BAZ2B: variants seen among roughly 807,000 people sequenced by gnomAD.
BAZ2B encodes the protein bromodomain adjacent to zinc finger domain 2B, also known as bromodomain adjacent to zinc finger domain protein 2B.
In BAZ2B, 91 loss-of-function variants were observed where a neutral mutation model predicts 246.0. The ratio of observed to expected loss-of-function variants is 0.37; its 90% CI spans 0.31 to 0.44. BAZ2B has a LOEUF of 0.44. BAZ2B is among the 20% of genes least tolerant of loss of function. The pLI is 1.00. For missense variants in BAZ2B, 2,332 were observed against 2,533.7 expected (o/e 0.92, Z 1.71); for synonymous variants, 855 against 860.0 (o/e 0.99, Z 0.10).
At chr2:159,393,727 T>G (rs925127542) in intron 20 of BAZ2B, among the ~76,000 whole-genome samples, 1 of 152,154 alleles carries the variant, frequency 6.6e-6, no homozygotes, top group African/African-American at 2.4e-5. Context: ...CTCACTCTAT[T>G]TAGTCAAGAG....
chr2:159,351,673 G>A (rs1235805439), intron 27 of BAZ2B, among the ~76,000 whole-genome samples: 1 of 152,116 alleles, frequency 6.6e-6, no homozygotes, highest in African/African-American at 2.4e-5. Context: ...AATCTAGATT[G>A]CATTATTTCT....
chr2:159,409,441 A>G (rs2066476525), intron 14 of BAZ2B, among the ~76,000 whole-genome samples: 1 of 152,216 alleles, frequency 6.6e-6, no homozygotes, highest in Non-Finnish European at 1.5e-5. Flanking sequence ...TATAGAATGA[A>G]AGTCTTTATC....
intron 2 of BAZ2B, among the ~76,000 whole-genome samples, chr2:159,487,688 ATTCCCT>A (rs2079988900): frequency 6.6e-6 from 1 of 152,142 alleles, no homozygotes. Context: ...TCTATCCACT[ATTCCCT>A]TTCCAAGTTT....
chr2:159,702,509 C>CA, the BAZ2B span, among the ~76,000 whole-genome samples: 1 of 151,938 alleles, frequency 6.6e-6, no homozygotes, highest in African/African-American at 2.4e-5. Context: ...TACAACTTTA[C>CA]AAAAAAATTT....
the BAZ2B span, among the ~76,000 whole-genome samples, chr2:159,706,792 C>T: frequency 1.3e-5 from 2 of 152,186 alleles, no homozygotes; most frequent in Non-Finnish European, 2.9e-5. Flanking sequence ...TACCCAGTTA[C>T]GTAAGTAGCA....
chr2:159,446,969 T>G lies in BAZ2B; in HGVS notation c.509A>C (p.Asn170Thr). 1 of 1,550,144 alleles carries G rather than the reference T, an allele frequency of 6.5e-7. No individual in the cohort carries two copies. The highest frequency in any genetic ancestry group is 1.7e-4 in the Middle Eastern group (1 of 5,776). The change falls in exon 6 of 37, where the codon AAT becomes ACT. Residue 170 changes from asparagine to threonine, a missense_variant. Transcript: ENST00000392783. ...TGTATTACTTCCATTTATTGACCCA[T>G]TTACACCTTGAAAATAAAAATAAAC... ...SNRNGPEKGV[N>T]GSINGSNTSS...
At position 159,469,992 on chromosome 2, in the gene BAZ2B, C is replaced by T. The variant is rs1433894333; in HGVS notation, c.145+8583G>A. Among the ~76,000 whole-genome samples, 7 of 152,060 alleles carry T rather than the reference C, an allele frequency of 4.6e-5. No homozygotes were observed. In the East Asian group the frequency reaches 7.7e-4, roughly 17 times the overall value. On this transcript the variant is annotated intron_variant, in intron 3 of 36. Transcript: ENST00000392783. ...CCAATAACCCTCATGAATACAGGTG[C>T]AAAATTCCTTAAGAAAATTTTAGCA...
chr2:159,685,858 A>G, the BAZ2B span, among the ~76,000 whole-genome samples: 7 of 152,360 alleles, frequency 4.6e-5, no homozygotes, highest in South Asian at 2.1e-4. Flanking sequence ...TCCTCCCTCC[A>G]GGAGAAACTT....
intron 33 of BAZ2B, among the ~76,000 whole-genome samples, chr2:159,334,195 T>G (rs2065239981): frequency 6.6e-6 from 1 of 152,142 alleles, no homozygotes; most frequent in African/African-American, 2.4e-5. Context: ...ACTTAGGATT[T>G]AAAAATAAAA....
intron 13 of BAZ2B, among the ~76,000 whole-genome samples, chr2:159,416,225 ATCTTAAAGATAATTTTAAAAATT>A (rs2067687004): frequency 1.3e-5 from 2 of 152,236 alleles, no homozygotes; most frequent in African/African-American, 4.8e-5. Flanking sequence ...AGTAATTCTT[ATCTTAAAGATAATTTTAAAAATT>A]AATTCTGAGG....
chr2:159,535,024 A>G, intron 2 of BAZ2B, among the ~76,000 whole-genome samples: 1 of 149,988 alleles, frequency 6.7e-6, no homozygotes, highest in Non-Finnish European at 1.5e-5. Context: ...TAAAATAAGT[A>G]TGCCAATAAT....
At chr2:159,422,745 C>T (rs2068989891) in intron 13 of BAZ2B, among the ~76,000 whole-genome samples, 1 of 152,090 alleles carries the variant, frequency 6.6e-6, no homozygotes. Context: ...ACTAGAGCTT[C>T]TGTACAGCAA....
Position 159,339,743 on chromosome 2 carries a change from A to C in BAZ2B, c.5455-1971T>G, listed in dbSNP as rs191505688. Among the ~76,000 whole-genome samples, 890 of 152,154 alleles carry C rather than the reference A, an allele frequency of 5.8e-3. 5 individuals are homozygous for C. Among genetic ancestry groups the C allele is most frequent in the Non-Finnish European group, 9.7e-3 (656 of 67,884 alleles). ...GATGGAATATTATTCAGTCATAAAG[A>C]AGAATGAAATCCTGTTATTTGCAGC... On this transcript the variant is annotated intron_variant, in intron 31 of 36. Transcript: ENST00000392783.
chr2:159,422,230 A>C (rs1416961088), intron 13 of BAZ2B, among the ~76,000 whole-genome samples: 1 of 152,226 alleles, frequency 6.6e-6, no homozygotes, highest in Non-Finnish European at 1.5e-5. Flanking sequence ...GTTTCACAGA[A>C]ACAGAAAAAA....
chr2:159,494,952 T>C (rs2151049762), intron 2 of BAZ2B, among the ~76,000 whole-genome samples: 1 of 152,246 alleles, frequency 6.6e-6, no homozygotes, highest in Middle Eastern at 3.4e-3. Flanking sequence ...AGATTCTTAC[T>C]AGTAAGAAAT....
intron 1 of BAZ2B, among the ~76,000 whole-genome samples, chr2:159,606,052 A>G (rs1398442872): frequency 6.6e-6 from 1 of 152,206 alleles, no homozygotes; most frequent in Non-Finnish European, 1.5e-5. Flanking sequence ...ATGATTACAG[A>G]TAAGAGTTAT....
chr2:159,635,694 G>T, the BAZ2B span, among the ~76,000 whole-genome samples: 4 of 151,792 alleles, frequency 2.6e-5, no homozygotes, highest in African/African-American at 9.7e-5. Context: ...ATCATAGGAG[G>T]ACATTTCTGT....
chr2:159,587,599 T>C (rs1360933534), intron 1 of BAZ2B, among the ~76,000 whole-genome samples: 3 of 152,238 alleles, frequency 2.0e-5, no homozygotes, highest in African/African-American at 4.8e-5. Flanking sequence ...GTTGTAAATA[T>C]GTAACTCTTA....
intron 13 of BAZ2B, among the ~76,000 whole-genome samples, chr2:159,418,726 C>T (rs1337253027): frequency 6.6e-6 from 1 of 152,044 alleles, no homozygotes; most frequent in Admixed American, 6.6e-5. Flanking sequence ...TTTAGTATCA[C>T]CAAGACTGGG....
Sources: gnomAD v4.1 joint callset for allele counts (sites outside exome capture counted in the v4.1 genomes callset) on GRCh38, gnomAD v4.1.1 for gene constraint, MANE v1.5 for transcripts, NCBI Gene and HGNC (gene_info 2026-07-23, HGNC 2026-07-21) for gene names.